SEMA5A: variants seen among roughly 807,000 people sequenced by gnomAD.
SEMA5A encodes the protein semaphorin-5A.
In SEMA5A, 55 loss-of-function variants were observed where a neutral mutation model predicts 135.5. The ratio of observed to expected loss-of-function variants is 0.41; its 90% CI spans 0.33 to 0.51. The LOEUF (loss-of-function observed/expected upper bound fraction) is 0.51. Among genes scored for constraint, SEMA5A ranks in the 20% least tolerant of loss-of-function variants. SEMA5A has a pLI of 0.37. For synonymous variants in SEMA5A, 580 were observed against 546.5 expected (o/e 1.06, Z -0.85); for missense variants, 1,290 against 1,419.9 (o/e 0.91, Z 1.47).
intron 16 of SEMA5A, among the ~76,000 whole-genome samples, chr5:9,070,571 A>T (rs1292382951): frequency 2.0e-5 from 3 of 152,194 alleles, no homozygotes; most frequent in Non-Finnish European, 4.4e-5. Context: ...ATGAAGTTTA[A>T]TTTTTGAAAT....
At position 9,197,198 on chromosome 5, in the gene SEMA5A, T is replaced by C. The variant is rs1457533959; in HGVS notation, c.1038A>G (p.Leu346=). The C allele has an allele frequency of 6.2e-7, 1 of 1,614,092 alleles. No individual in the cohort carries two copies. ...AGTGGGGGTTTGGGTTGGGATACGG[T>C]AGCCAGGCCGAGCGCGAGTTTTCTT... The part of the protein sequence containing the change: ...KYQENSRSAW[L]PYPNPNPHFQ... Residue 346 remains leucine (L), a synonymous_variant, in exon 10 of 23, where the codon CTA becomes CTG. Coordinates refer to ENST00000382496, the MANE Select transcript of SEMA5A (RefSeq NM_003966.3).
chr5:9,489,253 CAT>C (rs5865837), intron 1 of SEMA5A, among the ~76,000 whole-genome samples: 21 of 151,600 alleles, frequency 1.4e-4, no homozygotes, highest in African/African-American at 1.9e-4. Context: ...CAAATGTTAG[CAT>C]ATATATATAT....
intron 1 of SEMA5A, among the ~76,000 whole-genome samples, chr5:9,444,735 T>C (rs1425962370): frequency 6.6e-6 from 1 of 152,236 alleles, no homozygotes; most frequent in Admixed American, 6.5e-5. Context: ...TTTTGAACGG[T>C]ATTTGACATT....
intron 8 of SEMA5A, among the ~76,000 whole-genome samples, chr5:9,211,438 T>C (rs1163019008): frequency 6.6e-6 from 1 of 152,184 alleles, no homozygotes; most frequent in Non-Finnish European, 1.5e-5. Flanking sequence ...ATTTCTGAAT[T>C]TCCAGCTGTA....
At chr5:9,306,673 C>A (rs1311196837) in intron 5 of SEMA5A, among the ~76,000 whole-genome samples, 2 of 152,148 alleles carry the variant, frequency 1.3e-5, no homozygotes, top group Non-Finnish European at 2.9e-5. Flanking sequence ...GAGGAAGGGG[C>A]AGCTATGAAC....
intron 11 of SEMA5A, among the ~76,000 whole-genome samples, chr5:9,188,755 A>G (rs1314084053): frequency 2.0e-5 from 2 of 97,966 alleles, no homozygotes; most frequent in African/African-American, 1.0e-4. Context: ...AATACATGAC[A>G]GAATAAAGAG....
intron 5 of SEMA5A, among the ~76,000 whole-genome samples, chr5:9,252,801 G>A (rs1748869176): frequency 2.0e-5 from 3 of 152,126 alleles, no homozygotes; most frequent in Admixed American, 6.6e-5. Context: ...TAATGGCCAA[G>A]CCCTTTCTTA....
At chr5:9,188,363 C>T (rs1201654591) in intron 11 of SEMA5A, among the ~76,000 whole-genome samples, 1 of 152,212 alleles carries the variant, frequency 6.6e-6, no homozygotes, top group Non-Finnish European at 1.5e-5. Flanking sequence ...CTAAGACACT[C>T]ATCAAAGTAA....
chr5:9,116,750 G>A (rs1164056021), intron 15 of SEMA5A, among the ~76,000 whole-genome samples: 1 of 152,138 alleles, frequency 6.6e-6, no homozygotes, highest in Non-Finnish European at 1.5e-5. Flanking sequence ...TTAGTCTTTT[G>A]TATTCTCCCA....
At chr5:9,165,762 C>T (rs1389177054) in intron 11 of SEMA5A, among the ~76,000 whole-genome samples, 8 of 152,078 alleles carry the variant, frequency 5.3e-5, no homozygotes, top group Non-Finnish European at 2.9e-5. Flanking sequence ...ATGAAATACC[C>T]GCTTCCACTC....
intron 1 of SEMA5A, among the ~76,000 whole-genome samples, chr5:9,495,401 C>A (rs1735250850): frequency 6.6e-6 from 1 of 152,168 alleles, no homozygotes. Flanking sequence ...TACAGGAGTT[C>A]TCTTGCCCTT....
chr5:9,266,762 G>A (rs1749701522), intron 5 of SEMA5A, among the ~76,000 whole-genome samples: 1 of 152,172 alleles, frequency 6.6e-6, no homozygotes, highest in Non-Finnish European at 1.5e-5. Context: ...CCAACTTGTG[G>A]CCAGACCCTG....
intron 1 of SEMA5A, among the ~76,000 whole-genome samples, chr5:9,516,226 C>T (rs931274463): frequency 2.0e-5 from 3 of 152,012 alleles, no homozygotes; most frequent in South Asian, 2.1e-4. Flanking sequence ...CACACGTATA[C>T]ACCACACACA....
chr5:9,295,367 C>T (rs1751285172), intron 5 of SEMA5A, among the ~76,000 whole-genome samples: 1 of 152,160 alleles, frequency 6.6e-6, no homozygotes, highest in Admixed American at 6.5e-5. Flanking sequence ...TTAAACTCCC[C>T]TTTGTGAGTT....
chr5:9,244,983 T>C (rs951749209), intron 5 of SEMA5A, among the ~76,000 whole-genome samples: 1 of 152,230 alleles, frequency 6.6e-6, no homozygotes, highest in African/African-American at 2.4e-5. Flanking sequence ...AGACAACGTT[T>C]TTTTAAGTAA....
intron 5 of SEMA5A, among the ~76,000 whole-genome samples, chr5:9,240,559 T>G (rs780084152): frequency 4.0e-5 from 6 of 151,390 alleles, no homozygotes; most frequent in Non-Finnish European, 5.9e-5. Flanking sequence ...AGACATGAAA[T>G]TAAAAAAAAA....
chr5:9,505,733 G>A (rs564735599), intron 1 of SEMA5A, among the ~76,000 whole-genome samples: 33 of 152,328 alleles, frequency 2.2e-4, no homozygotes, highest in African/African-American at 7.5e-4. Flanking sequence ...AAGGCCAAAT[G>A]GCCGAAGCTA....
intron 5 of SEMA5A, among the ~76,000 whole-genome samples, chr5:9,284,216 C>T (rs1359713499): frequency 6.6e-6 from 1 of 152,094 alleles, no homozygotes; most frequent in African/African-American, 2.4e-5. Context: ...TGATCAATTT[C>T]CCTGCCAATC....
chr5:9,182,209 T>C (rs1560995622), intron 11 of SEMA5A, among the ~76,000 whole-genome samples: 1 of 146,980 alleles, frequency 6.8e-6, no homozygotes, highest in Non-Finnish European at 1.5e-5. Context: ...GTCTTGTCCA[T>C]TGCTGAACCC....
Sources: gnomAD v4.1 joint callset for allele counts (sites outside exome capture counted in the v4.1 genomes callset) on GRCh38, gnomAD v4.1.1 for gene constraint, MANE v1.5 for transcripts, NCBI Gene and HGNC (gene_info 2026-07-23, HGNC 2026-07-21) for gene names.